ZNF726: variants seen among roughly 807,000 people sequenced by gnomAD.
The protein encoded by ZNF726 is zinc finger protein 92 pseudogene 3.
Under a neutral mutation model 11.6 loss-of-function variants are expected in ZNF726, and 15 were observed. The ratio of observed to expected loss-of-function variants is 1.29; its 90% confidence interval spans 0.86 to 1.99. ZNF726 has a LOEUF of 1.99. Ranked by LOEUF, ZNF726 falls within the 30% of genes most tolerant of loss-of-function variation. The probability of loss-of-function intolerance (pLI) is 0.00; values close to 1 mark genes in which losing one functional copy is unlikely to be tolerated. For synonymous variants in ZNF726, 295 were observed against 243.6 expected, an observed-to-expected ratio of 1.21 and a Z score of -1.96; for missense variants, 890 against 725.6, an observed-to-expected ratio of 1.23 and a Z score of -2.60.
intron 3 of ZNF726, among the ~76,000 whole-genome samples, chr19:23,941,436 T>C (rs1337347378): frequency 6.6e-6 from 1 of 152,094 alleles, no homozygotes; most frequent in Non-Finnish European, 1.5e-5. Context: ...TAATCTGTAG[T>C]TTTCTTTTCT....
At chr19:23,939,675 G>A (rs758676916) in intron 3 of ZNF726, among the ~76,000 whole-genome samples, 3 of 151,946 alleles carry the variant, frequency 2.0e-5, no homozygotes, top group South Asian at 2.1e-4. Context: ...CTGCATCCAC[G>A]CCAACATCTA....
At chr19:23,921,158 CAGT>C (rs1967840567) in intron 3 of ZNF726, 1 of 152,062 alleles carries the variant, frequency 6.6e-6, no homozygotes, top group Non-Finnish European at 1.5e-5. Flanking sequence ...TAGCTGGGCT[CAGT>C]GGTGGGCACC....
At chr19:23,920,700 A>T (rs1967824245) in intron 3 of ZNF726, 1 of 151,752 alleles carries the variant, frequency 6.6e-6, no homozygotes, top group Non-Finnish European at 1.5e-5. Context: ...GGTGTGAGCC[A>T]CCGTGCCTGG....
intron 3 of ZNF726, chr19:23,927,756 A>G (rs1968019960): frequency 6.6e-6 from 1 of 152,234 alleles, no homozygotes; most frequent in African/African-American, 2.4e-5. Flanking sequence ...TGTTGGGATT[A>G]TAGGCATGAG....
intron 3 of ZNF726, chr19:23,921,510 C>G (rs1295164493): frequency 6.6e-6 from 1 of 152,048 alleles, no homozygotes; most frequent in African/African-American, 2.4e-5. Flanking sequence ...AATACTTATT[C>G]TTTCAATAGA....
chr19:23,926,189 C>G (rs1440904060), intron 3 of ZNF726, among the ~76,000 whole-genome samples: 1 of 151,974 alleles, frequency 6.6e-6, no homozygotes. Context: ...GGTGCTCATG[C>G]ATTTAATTTT....
intron 1 of ZNF726, among the ~76,000 whole-genome samples, chr19:23,918,063 A>T (rs1282343194): frequency 1.3e-5 from 2 of 152,156 alleles, no homozygotes; most frequent in Admixed American, 1.3e-4. Flanking sequence ...GAATGCGGTT[A>T]TACCTGTGGC....
intron 3 of ZNF726, among the ~76,000 whole-genome samples, chr19:23,924,605 C>A (rs964295791): frequency 6.6e-6 from 1 of 152,006 alleles, no homozygotes; most frequent in Admixed American, 6.5e-5. Context: ...CATGTCAGGG[C>A]GAGGCAATGT....
At chr19:23,922,935 T>TA (rs1967888813) in intron 3 of ZNF726, among the ~76,000 whole-genome samples, 1 of 151,104 alleles carries the variant, frequency 6.6e-6, no homozygotes, top group Non-Finnish European at 1.5e-5. Flanking sequence ...TTTTTTTTTT[T>TA]ATCTTATTAA....
intron 3 of ZNF726, among the ~76,000 whole-genome samples, chr19:23,941,206 C>G (rs1026189310): frequency 5.9e-5 from 9 of 152,100 alleles, no homozygotes; most frequent in Admixed American, 5.9e-4. Flanking sequence ...TGGATTTTGT[C>G]AAATGGTTTT....
chr19:23,937,518 C>T (rs1968263984), downstream of ZNF726, among the ~76,000 whole-genome samples: 1 of 150,792 alleles, frequency 6.6e-6, no homozygotes, highest in Admixed American at 6.6e-5. Flanking sequence ...GGTGGCAGGG[C>T]AGAGGTGCTC....
chr19:23,929,803 G>A (rs1361697685), intron 3 of ZNF726, among the ~76,000 whole-genome samples: 1 of 151,784 alleles, frequency 6.6e-6, no homozygotes, highest in Non-Finnish European at 1.5e-5. Flanking sequence ...TTTTTATTCT[G>A]TTTTAAATAT....
intron 3 of ZNF726, among the ~76,000 whole-genome samples, chr19:23,932,060 G>A (rs1209618788): frequency 6.6e-6 from 1 of 152,212 alleles, no homozygotes; most frequent in East Asian, 1.9e-4. Flanking sequence ...GAAAAGCTGT[G>A]TTGGGTAAAT....
intron 3 of ZNF726, among the ~76,000 whole-genome samples, chr19:23,926,847 GA>G (rs570731491): frequency 2.8e-3 from 424 of 151,956 alleles, no homozygotes; most frequent in African/African-American, 9.9e-3. Context: ...TGTTATTGTT[GA>G]TTTTAATGTG....
chr19:23,920,262 C>CT (rs1474961794), intron 3 of ZNF726, 180 bp downstream of exon 3: 10 of 382,398 alleles, frequency 2.6e-5, no homozygotes, highest in African/African-American at 2.1e-4. Context: ...TATAAAATCT[C>CT]TAAGAATTCT....
At chr19:23,919,588 C>T (rs904720259) in intron 2 of ZNF726, 89 bp downstream of exon 2, 19 of 1,427,904 alleles carry the variant, frequency 1.3e-5, no homozygotes, top group Admixed American at 1.0e-4. Context: ...TTATGCTTTC[C>T]TATTTCTGTT....
intron 3 of ZNF726, among the ~76,000 whole-genome samples, chr19:23,927,423 T>C (rs1256616303): frequency 1.3e-5 from 2 of 152,190 alleles, no homozygotes; most frequent in Non-Finnish European, 2.9e-5. Context: ...CTAGTTTAAT[T>C]CAGTTTTGGT....
intron 3 of ZNF726, among the ~76,000 whole-genome samples, chr19:23,931,817 T>G (rs1178497840): frequency 6.6e-6 from 1 of 152,170 alleles, no homozygotes; most frequent in African/African-American, 2.4e-5. Flanking sequence ...TACTGCAGTC[T>G]GGCGGCTGCT....
At chr19:23,915,159 G>C (rs895962451) in intron 1 of ZNF726, among the ~76,000 whole-genome samples, 162 bp downstream of exon 1, 1 of 152,186 alleles carries the variant, frequency 6.6e-6, no homozygotes. Flanking sequence ...TAAGATGGCG[G>C]CTGCGCTGAC....
Sources: allele counts gnomAD v4.1 joint callset (sites outside exome capture counted in the v4.1 genomes callset), GRCh38; gene constraint gnomAD v4.1.1; transcripts MANE v1.5; gene names NCBI Gene and HGNC (gene_info 2026-07-23, HGNC 2026-07-21).